Variants in RASGRF2 observed in about 807,000 individuals in gnomAD.
The protein encoded by RASGRF2 is Ras protein specific guanine nucleotide releasing factor 2.
RASGRF2 carries 76 observed loss-of-function variants against 151.0 expected under a neutral mutation model. The observed-to-expected ratio is 0.50, with a 90% CI of 0.42 to 0.61. RASGRF2 has a LOEUF of 0.61. RASGRF2 is among the 20% of genes least tolerant of loss of function. The pLI, the probability that RASGRF2 is intolerant of heterozygous loss-of-function variation, is 0.00. For missense variants in RASGRF2, 1,148 were observed against 1,564.6 expected, an observed-to-expected ratio of 0.73 and a Z score of 4.49; for synonymous variants, 504 against 566.5, an observed-to-expected ratio of 0.89 and a Z score of 1.57.
intron 15 of RASGRF2, among the ~76,000 whole-genome samples, chr5:81,122,196 T>C (rs185379064): frequency 1.6e-4 from 24 of 152,312 alleles, no homozygotes; most frequent in African/African-American, 3.4e-4. Context: ...GCTTTTCTCA[T>C]TGGGAAATTT....
chr5:81,029,317 C>A (rs919702717), intron 1 of RASGRF2, among the ~76,000 whole-genome samples: 7 of 152,196 alleles, frequency 4.6e-5, no homozygotes, highest in African/African-American at 1.7e-4. Context: ...TCCCAGCACA[C>A]AGGTTGAGAT....
At chr5:81,113,412 G>A (rs1223622780) in intron 14 of RASGRF2, 126 bp from the exon 15 acceptor site, 1 of 1,144,356 alleles carries the variant, frequency 8.7e-7, no homozygotes, top group Non-Finnish European at 1.2e-6. Flanking sequence ...TAGATTAACG[G>A]AAGTCCAGCA....
chr5:81,036,501 TTTC>T (rs1750498864), intron 1 of RASGRF2, among the ~76,000 whole-genome samples: 2 of 152,166 alleles, frequency 1.3e-5, no homozygotes, highest in South Asian at 4.1e-4. Flanking sequence ...AAGTTTATGT[TTTC>T]TTCCTGGAAT....
chr5:81,005,334 C>CA (rs1749231627), intron 1 of RASGRF2, among the ~76,000 whole-genome samples: 2 of 151,986 alleles, frequency 1.3e-5, no homozygotes, highest in African/African-American at 4.8e-5. Context: ...GAAATGCGAG[C>CA]GAAGGTGGGG....
chr5:81,016,341 G>C (rs1384994289), intron 1 of RASGRF2, among the ~76,000 whole-genome samples: 1 of 152,194 alleles, frequency 6.6e-6, no homozygotes, highest in Non-Finnish European at 1.5e-5. Flanking sequence ...TGGCAGCTCA[G>C]ATTCTCAGAT....
intron 17 of RASGRF2, among the ~76,000 whole-genome samples, chr5:81,135,761 GTGTT>G (rs1455377977): frequency 1.7e-4 from 26 of 152,186 alleles, no homozygotes; most frequent in African/African-American, 6.0e-4. Context: ...AAATTTTTGT[GTGTT>G]TGTTTGTTTG....
At chr5:81,109,112 T>C in intron 13 of RASGRF2, 34 bp downstream of exon 13, 1 of 1,588,644 alleles carries the variant, frequency 6.3e-7, no homozygotes. Context: ...TACATTTTAA[T>C]CAAGATTAAA....
chr5:80,978,539 C>T (rs546299026), intron 1 of RASGRF2, among the ~76,000 whole-genome samples: 1 of 152,280 alleles, frequency 6.6e-6, no homozygotes, highest in African/African-American at 2.4e-5. Flanking sequence ...TCAATTCCTG[C>T]ACTTTGGGAG....
intron 17 of RASGRF2, among the ~76,000 whole-genome samples, chr5:81,149,921 C>T (rs1346235783): frequency 6.6e-6 from 1 of 152,174 alleles, no homozygotes; most frequent in Non-Finnish European, 1.5e-5. Flanking sequence ...AAACTCTTCA[C>T]TCTGAGTACT....
chr5:81,087,437 A>G (rs754771415), intron 9 of RASGRF2: 3 of 657,422 alleles, frequency 4.6e-6, no homozygotes, highest in South Asian at 3.3e-5. Context: ...ATTTGATTCA[A>G]CTGGTAACTC....
intron 3 of RASGRF2, 109 bp from the exon 4 acceptor site, chr5:81,070,383 G>A (rs11745040): frequency 0.18 from 145,258 of 825,858 alleles, 14,845 homozygotes; most frequent in East Asian, 0.4. Context: ...TAAAAAGTGG[G>A]TGTTTCCTGA....
intron 1 of RASGRF2, among the ~76,000 whole-genome samples, chr5:80,987,447 T>C (rs1158641727): frequency 6.6e-6 from 1 of 152,204 alleles, no homozygotes; most frequent in African/African-American, 2.4e-5. Flanking sequence ...GACAAGTAGT[T>C]CAGTCGTTTG....
chr5:81,069,641 T>C (rs1421036415), intron 3 of RASGRF2, among the ~76,000 whole-genome samples: 1 of 152,230 alleles, frequency 6.6e-6, no homozygotes, highest in Non-Finnish European at 1.5e-5. Context: ...ACAGGAGCCA[T>C]AATTTATTTC....
At position 81,086,962 on chromosome 5, in the gene RASGRF2, C is replaced by T. The variant is rs2112489512; in HGVS notation, c.1390+9C>T. The T allele has an allele frequency of 6.2e-7, 1 of 1,605,336 alleles. No homozygotes were observed. The highest frequency in any genetic ancestry group is 8.5e-7 in the Non-Finnish European group (1 of 1,172,058). Reference sequence around the variant, plus strand: ...AACGTTCATCCGCCAAGGTAAGTCCCTGTGAAATGGACCCGCGACCTGATG... The same window carrying T: ...AACGTTCATCCGCCAAGGTAAGTCCTTGTGAAATGGACCCGCGACCTGATG... On this transcript the variant is annotated intron_variant, in intron 9 of 26. Transcript: ENST00000265080.
intron 15 of RASGRF2, among the ~76,000 whole-genome samples, chr5:81,115,438 C>A (rs375226929): frequency 6.6e-6 from 1 of 152,118 alleles, no homozygotes; most frequent in African/African-American, 2.4e-5. Context: ...TTGCACCCAG[C>A]GCCAGTGCTT....
At chr5:81,046,966 G>A (rs1750854702) in intron 2 of RASGRF2, among the ~76,000 whole-genome samples, 3 of 152,124 alleles carry the variant, frequency 2.0e-5, no homozygotes, top group Non-Finnish European at 4.4e-5. Flanking sequence ...TGACATTTGG[G>A]AAGAAACGAG....
intron 15 of RASGRF2, among the ~76,000 whole-genome samples, chr5:81,118,311 G>C (rs923906830): frequency 2.6e-5 from 4 of 152,232 alleles, no homozygotes; most frequent in African/African-American, 7.2e-5. Flanking sequence ...CCACATGGAT[G>C]CCACCAGTGC....
chr5:81,195,267 G>C (rs1003003037), intron 18 of RASGRF2, among the ~76,000 whole-genome samples: 1 of 152,186 alleles, frequency 6.6e-6, no homozygotes, highest in South Asian at 2.1e-4. Context: ...CCGAGAAGGC[G>C]CTCGGGTACG....
At chr5:81,162,853 G>A (rs572180277) in intron 17 of RASGRF2, among the ~76,000 whole-genome samples, 16 of 152,178 alleles carry the variant, frequency 1.1e-4, no homozygotes, top group South Asian at 2.1e-4. Context: ...GCTAATTTCC[G>A]TGGGAAGAGA....
Sources: allele counts gnomAD v4.1 joint callset (sites outside exome capture counted in the v4.1 genomes callset), GRCh38; gene constraint gnomAD v4.1.1; transcripts MANE v1.5; gene names NCBI Gene and HGNC (gene_info 2026-07-23, HGNC 2026-07-21).